The following BACH2 variants were observed in gnomAD, a reference collection of about 807,000 sequenced individuals.
BACH2 encodes the protein transcription regulator protein BACH2.
BACH2 carries 5 observed loss-of-function variants against 61.8 expected under a neutral mutation model. The ratio of observed to expected loss-of-function variants is 0.08; its 90% CI spans 0.04 to 0.17. The LOEUF (loss-of-function observed/expected upper bound fraction) is 0.17, where lower values mean the gene tolerates loss of function less well. Ranked by LOEUF, BACH2 falls within the 10% of genes least tolerant of loss-of-function variation. The probability of loss-of-function intolerance (pLI) is 1.00; values close to 1 mark genes in which losing one functional copy is unlikely to be tolerated. For missense variants in BACH2, 824 were observed against 1,091.1 expected, an observed-to-expected ratio of 0.76 and a Z score of 3.45; for synonymous variants, 446 against 440.1, an observed-to-expected ratio of 1.01 and a Z score of -0.17.
intron 5 of BACH2, among the ~76,000 whole-genome samples, chr6:90,014,919 A>G (rs1281955167): frequency 6.6e-6 from 1 of 150,862 alleles, no homozygotes; most frequent in Non-Finnish European, 1.5e-5. Flanking sequence ...AACTAGGACT[A>G]TAGGCCGTGC....
chr6:90,057,623 A>C (rs2127797127), intron 5 of BACH2, among the ~76,000 whole-genome samples: 1 of 152,354 alleles, frequency 6.6e-6, no homozygotes, highest in South Asian at 2.1e-4. Context: ...AACTCATTTT[A>C]TGAGGCCAGC....
At chr6:90,020,206 T>C (rs1778298326) in intron 5 of BACH2, among the ~76,000 whole-genome samples, 1 of 152,224 alleles carries the variant, frequency 6.6e-6, no homozygotes, top group Admixed American at 6.5e-5. Context: ...TTCTGCTTTC[T>C]TTAAAAATCA....
At chr6:90,071,224 G>C (rs979901048) in intron 5 of BACH2, among the ~76,000 whole-genome samples, 1 of 152,200 alleles carries the variant, frequency 6.6e-6, no homozygotes, top group African/African-American at 2.4e-5. Context: ...ATGAAATCAT[G>C]ACTCTTCCTT....
chr6:90,238,935 A>T (rs1024710291), intron 3 of BACH2, among the ~76,000 whole-genome samples: 12 of 152,178 alleles, frequency 7.9e-5, no homozygotes, highest in African/African-American at 2.9e-4. Context: ...CCTGAAGAGC[A>T]CACCTCACTT....
At chr6:90,148,927 C>T (rs949336132) in intron 4 of BACH2, among the ~76,000 whole-genome samples, 2 of 152,102 alleles carry the variant, frequency 1.3e-5, no homozygotes, top group Admixed American at 6.5e-5. Flanking sequence ...CTGGAAGGGC[C>T]TTGTGGCTCC....
intron 6 of BACH2, among the ~76,000 whole-genome samples, chr6:89,998,858 T>C (rs1310415617): frequency 6.6e-6 from 1 of 152,168 alleles, no homozygotes; most frequent in African/African-American, 2.4e-5. Flanking sequence ...CTTTTATAAC[T>C]GCACACCCAC....
chr6:90,057,613 A>C (rs959172118), intron 5 of BACH2, among the ~76,000 whole-genome samples: 5 of 152,230 alleles, frequency 3.3e-5, no homozygotes, highest in Non-Finnish European at 7.3e-5. Flanking sequence ...AATCCTCCCT[A>C]ACTCATTTTA....
intron 4 of BACH2, among the ~76,000 whole-genome samples, chr6:90,181,612 C>CTA (rs1265920901): frequency 6.6e-6 from 1 of 151,978 alleles, no homozygotes; most frequent in East Asian, 1.9e-4. Context: ...GTTACCTGAA[C>CTA]TACAGTGCAG....
chr6:90,100,710 CACACACACACACACACAG>C (rs1562444037), intron 4 of BACH2, among the ~76,000 whole-genome samples: 5 of 139,774 alleles, frequency 3.6e-5, no homozygotes, highest in African/African-American at 1.4e-4. Flanking sequence ...CAGACACACA[CACACACACACACACACAG>C]ACACACACAC....
In BACH2 at chr6:90,222,856, T is replaced by TA; in HGVS notation, c.-274-16176dup. Among the ~76,000 whole-genome samples the TA allele has an allele frequency of 3.3e-5, 5 of 152,150 alleles. No individual in the cohort carries two copies. The South Asian group carries it at 1.0e-3, about 32-fold the overall frequency. On this transcript the variant is annotated intron_variant, in intron 3 of 8. Coordinates refer to ENST00000257749, the MANE Select transcript of BACH2 (RefSeq NM_021813.4). Reference sequence around the variant, plus strand: ...CAACTGCTCTGTCCTTAGTCATCCTTAGTCACCTGCACTGTCCTTAGTCAT... The same window carrying TA: ...CAACTGCTCTGTCCTTAGTCATCCTTAAGTCACCTGCACTGTCCTTAGTCAT...
At chr6:89,979,068 C>T (rs184996399) in intron 6 of BACH2, among the ~76,000 whole-genome samples, 2 of 152,274 alleles carry the variant, frequency 1.3e-5, no homozygotes, top group East Asian at 3.9e-4. Flanking sequence ...ATACTGGAAG[C>T]AGATGGGTTC....
chr6:90,292,486 CA>C (rs1401713805), intron 1 of BACH2, among the ~76,000 whole-genome samples: 5 of 152,214 alleles, frequency 3.3e-5, no homozygotes, highest in African/African-American at 9.6e-5. Flanking sequence ...TATTCACCTG[CA>C]AGGAATCACA....
chr6:90,179,718 A>G (rs377301996), intron 4 of BACH2, among the ~76,000 whole-genome samples: 2 of 152,230 alleles, frequency 1.3e-5, no homozygotes, highest in African/African-American at 4.8e-5. Flanking sequence ...CAATGAATCT[A>G]AAATCTAAGG....
intron 4 of BACH2, among the ~76,000 whole-genome samples, chr6:90,122,129 GAC>G (rs1783653312): frequency 6.6e-6 from 1 of 152,208 alleles, no homozygotes; most frequent in Admixed American, 6.5e-5. Flanking sequence ...TTTGGGAAAT[GAC>G]ACACGTCCAG....
chr6:90,046,231 T>C (rs1432071174), intron 5 of BACH2, among the ~76,000 whole-genome samples: 3 of 152,160 alleles, frequency 2.0e-5, no homozygotes, highest in Non-Finnish European at 2.9e-5. Flanking sequence ...CTTGGAAACA[T>C]GGAAAGATTC....
At chr6:90,028,282 T>G (rs2127786969) in intron 5 of BACH2, among the ~76,000 whole-genome samples, 1 of 152,382 alleles carries the variant, frequency 6.6e-6, no homozygotes, top group African/African-American at 2.4e-5. Flanking sequence ...CACTTAGCCC[T>G]GATATAGTTC....
At chr6:90,242,124 A>G (rs1233580312) in intron 3 of BACH2, among the ~76,000 whole-genome samples, 4 of 152,206 alleles carry the variant, frequency 2.6e-5, no homozygotes, top group Non-Finnish European at 5.9e-5. Flanking sequence ...TATAGTTTAC[A>G]TAAGAGTTCA....
chr6:90,084,399 A>G (rs768140334), intron 5 of BACH2, among the ~76,000 whole-genome samples: 13 of 151,896 alleles, frequency 8.6e-5, no homozygotes, highest in Non-Finnish European at 1.9e-4. Flanking sequence ...TGGGGGGGGA[A>G]TTTATTTTGA....
chr6:89,989,712 C>A (rs543285346), intron 6 of BACH2, among the ~76,000 whole-genome samples: 1 of 152,322 alleles, frequency 6.6e-6, no homozygotes, highest in African/African-American at 2.4e-5. Flanking sequence ...AGAACCTCAG[C>A]AATTCTTGAA....
Sources: allele counts gnomAD v4.1 joint callset (sites outside exome capture counted in the v4.1 genomes callset), GRCh38; gene constraint gnomAD v4.1.1; transcripts MANE v1.5; gene names NCBI Gene and HGNC (gene_info 2026-07-23, HGNC 2026-07-21).